Variants in TRIM9 observed in about 807,000 individuals in gnomAD.
TRIM9 encodes tripartite motif containing 9, also known as E3 ubiquitin-protein ligase TRIM9.
A neutral mutation model predicts 78.3 loss-of-function variants in TRIM9; 26 were observed. The observed-to-expected ratio is 0.33, with a 90% CI of 0.24 to 0.46. The LOEUF (loss-of-function observed/expected upper bound fraction) is 0.46, where lower values mean the gene tolerates loss of function less well. Ranked by LOEUF, TRIM9 falls within the 20% of genes least tolerant of loss-of-function variation. TRIM9 has a pLI of 1.00. For missense variants in TRIM9, 787 were observed against 1,036.4 expected, an observed-to-expected ratio of 0.76 and a Z score of 3.30; for synonymous variants, 398 against 416.5, an observed-to-expected ratio of 0.96 and a Z score of 0.54.
intron 1 of TRIM9, among the ~76,000 whole-genome samples, chr14:51,049,310 T>C (rs936340601): frequency 5.9e-5 from 9 of 152,122 alleles, no homozygotes; most frequent in Admixed American, 5.9e-4. Flanking sequence ...ATTGAAAAGA[T>C]TATACCAGGT....
chr14:50,988,907 C>A (rs1481570879), intron 7 of TRIM9, among the ~76,000 whole-genome samples: 3 of 152,208 alleles, frequency 2.0e-5, no homozygotes, highest in African/African-American at 7.2e-5. Context: ...GAGCTGCCAT[C>A]AAGCTTCCCC....
chr14:51,032,834 T>C (rs138647830), intron 1 of TRIM9, among the ~76,000 whole-genome samples: 37 of 152,334 alleles, frequency 2.4e-4, no homozygotes, highest in Non-Finnish European at 4.3e-4. Context: ...ATTCAATAAG[T>C]AGTACAGGTT....
chr14:50,989,024 CA>C (rs2053131075), intron 7 of TRIM9, among the ~76,000 whole-genome samples: 1 of 152,156 alleles, frequency 6.6e-6, no homozygotes, highest in African/African-American at 2.4e-5. Context: ...CTCCACTCTC[CA>C]ATTGTAGCGT....
chr14:50,998,248 G>C (rs1373632979), intron 6 of TRIM9, 60 bp from the exon 7 acceptor site: 1 of 1,549,926 alleles, frequency 6.5e-7, no homozygotes, highest in Admixed American at 1.7e-5. Flanking sequence ...GGGCGAGGGA[G>C]GCAGTGTCGC....
At chr14:51,018,649 C>T (rs34237668) in intron 3 of TRIM9, among the ~76,000 whole-genome samples, 1 of 152,132 alleles carries the variant, frequency 6.6e-6, no homozygotes, top group Non-Finnish European at 1.5e-5. Context: ...CTACAGATAG[C>T]TACAATGGGC....
At chr14:50,982,205 T>C (rs1449178646) in intron 10 of TRIM9, 102 bp from the exon 11 acceptor site, 13 of 1,405,676 alleles carry the variant, frequency 9.2e-6, no homozygotes, top group Non-Finnish European at 1.3e-5. Flanking sequence ...AGCGTTTTCA[T>C]GCTGCCATGC....
chr14:50,982,552 G>A (rs1282445761), intron 10 of TRIM9: 14 of 308,472 alleles, frequency 4.5e-5, no homozygotes, highest in South Asian at 3.4e-4. Context: ...ATATCCCTTC[G>A]GCAGAAGTGC....
At chr14:51,058,774 A>G (rs1408497063) in intron 1 of TRIM9, among the ~76,000 whole-genome samples, 1 of 152,260 alleles carries the variant, frequency 6.6e-6, no homozygotes, top group African/African-American at 2.4e-5. Flanking sequence ...GTGACTCACT[A>G]TCACACTAAT....
chr14:51,069,150 T>C (rs947527465), intron 1 of TRIM9, among the ~76,000 whole-genome samples: 1 of 152,056 alleles, frequency 6.6e-6, no homozygotes, highest in African/African-American at 2.4e-5. Flanking sequence ...TCTGAGAGAG[T>C]TGGGCCTTCT....
intron 1 of TRIM9, among the ~76,000 whole-genome samples, chr14:51,039,738 T>C (rs958394668): frequency 6.7e-6 from 1 of 149,670 alleles, no homozygotes; most frequent in South Asian, 2.1e-4. Context: ...TTATTATAAA[T>C]TATATTTTTA....
chr14:51,078,607 C>T (rs1232294807), intron 1 of TRIM9, among the ~76,000 whole-genome samples: 2 of 152,034 alleles, frequency 1.3e-5, no homozygotes, highest in Non-Finnish European at 2.9e-5. Context: ...GTAAGCCAGA[C>T]ACAGAAAGAA....
chr14:51,082,916 G>A (rs59517672), intron 1 of TRIM9, among the ~76,000 whole-genome samples: 1 of 152,024 alleles, frequency 6.6e-6, no homozygotes, highest in African/African-American at 2.4e-5. Context: ...ACAGAGTCTG[G>A]CTCTTTAAGG....
At chr14:51,027,837 C>CA (rs1555340382) in intron 1 of TRIM9, among the ~76,000 whole-genome samples, 1 of 150,050 alleles carries the variant, frequency 6.7e-6, no homozygotes, top group Non-Finnish European at 1.5e-5. Flanking sequence ...GAACTCATAT[C>CA]TTTTTTTTTT....
chr14:51,057,584 T>C (rs2060992562), intron 1 of TRIM9, among the ~76,000 whole-genome samples: 1 of 152,352 alleles, frequency 6.6e-6, no homozygotes, highest in African/African-American at 2.4e-5. Flanking sequence ...CTTTAAAATC[T>C]GCTTGCCAAC....
In TRIM9 at chr14:50,976,396, T is replaced by C. The variant is rs2051094738; in HGVS notation, c.*895A>G. On this transcript the variant is annotated 3_prime_UTR_variant, in exon 13 of 13. Coordinates refer to ENST00000684578, the MANE Select transcript of TRIM9 (RefSeq NM_001387360.1). ...TAGTACATATGACCATTTATAATTA[T>C]TTTATTTTTGCTTTTTCTCCTACTG... 6.6e-6 allele frequency: 1 copy of C among 152,206 alleles called. No homozygotes were observed. Among genetic ancestry groups the C allele is most frequent in the Non-Finnish European group, 1.5e-5 (1 of 68,028 alleles). 9.4% of individuals were successfully genotyped at this position (152,206 alleles called of 1,614,324 possible). A position where few individuals can be genotyped will look rare whatever the true frequency, so the allele number is the denominator to read the frequency against.
intron 1 of TRIM9, among the ~76,000 whole-genome samples, chr14:51,040,174 G>A (rs1370495787): frequency 2.0e-5 from 3 of 152,050 alleles, no homozygotes; most frequent in Admixed American, 6.5e-5. Flanking sequence ...ATATTTCCTC[G>A]GATGGTCTTA....
intron 7 of TRIM9, among the ~76,000 whole-genome samples, chr14:50,994,058 G>A (rs1039700940): frequency 6.6e-6 from 1 of 152,178 alleles, no homozygotes; most frequent in African/African-American, 2.4e-5. Context: ...CTTGAGATGG[G>A]GGGATTATAC....
At position 51,078,241 on chromosome 14, in the gene TRIM9, G is replaced by C. The variant is rs2062980842; in HGVS notation, c.822+15877C>G. On this transcript the variant is annotated intron_variant, in intron 1 of 12. Transcript: ENST00000684578. ...ACAGTAGGACAGGAAGGAATGTAGTGGGTATATTGTGCCACTGATAAATAT... is the reference window on the plus strand; with the variant it reads ...ACAGTAGGACAGGAAGGAATGTAGTCGGTATATTGTGCCACTGATAAATAT... Among the ~76,000 whole-genome samples, 3 of 152,088 alleles carry C rather than the reference G, an allele frequency of 2.0e-5. 1 individual carries two copies. In the South Asian group the frequency reaches 6.2e-4, roughly 32 times the overall value.
chr14:51,047,443 G>T (rs1161779230), intron 1 of TRIM9, among the ~76,000 whole-genome samples: 1 of 152,142 alleles, frequency 6.6e-6, no homozygotes. Flanking sequence ...AATGAACACA[G>T]AGCTTAGAAA....
Sources: gnomAD v4.1 joint callset for allele counts (sites outside exome capture counted in the v4.1 genomes callset) on GRCh38, gnomAD v4.1.1 for gene constraint, MANE v1.5 for transcripts, NCBI Gene and HGNC (gene_info 2026-07-23, HGNC 2026-07-21) for gene names.